ZNF384: variants seen among roughly 807,000 people sequenced by gnomAD.
The protein encoded by ZNF384 is zinc finger protein 384, also known as CAG repeat protein 1.
In ZNF384, 20 loss-of-function variants were observed where a neutral mutation model predicts 65.0. The ratio of observed to expected loss-of-function variants is 0.31; its 90% CI spans 0.22 to 0.45. The LOEUF (loss-of-function observed/expected upper bound fraction) is 0.45. Ranked by LOEUF, ZNF384 falls within the 20% of genes least tolerant of loss-of-function variation. The pLI, the probability that ZNF384 is intolerant of heterozygous loss-of-function variation, is 1.00. For synonymous variants in ZNF384, 310 were observed against 303.9 expected (o/e 1.02, Z -0.21); for missense variants, 549 against 769.4 (o/e 0.71, Z 3.39).
intron 2 of ZNF384, among the ~76,000 whole-genome samples, chr12:6,680,153 C>T (rs1955372727): frequency 6.6e-6 from 1 of 152,152 alleles, no homozygotes; most frequent in Non-Finnish European, 1.5e-5. Flanking sequence ...AAAGTAGAGA[C>T]ACGGTTTTTC....
chr12:6,672,571 C>A lies in ZNF384; in HGVS notation c.1005-39G>T. On this transcript the variant is annotated intron_variant, in intron 8 of 11. Coordinates refer to ENST00000683879, the MANE Select transcript of ZNF384 (RefSeq NM_001385745.1). This position sits in a 1 kb window ranked among gnomAD's most constrained non-coding sequence, Gnocchi z 4.4. ...GAGGAGGGAAGGGGGGAGGAGGAAG[C>A]AGTTCGACACCAGGGGCTCAGCTCT... 1 of 1,592,720 alleles carries A rather than the reference C, an allele frequency of 6.3e-7. No homozygotes were observed. Among genetic ancestry groups the A allele is most frequent in the Non-Finnish European group, 8.6e-7 (1 of 1,164,782 alleles).
In ZNF384 at chr12:6,687,128, T is replaced by C. The variant is rs115818252; in HGVS notation, c.-6+1039A>G. Among the ~76,000 whole-genome samples, 538 of 152,296 alleles carry C rather than the reference T, an allele frequency of 3.5e-3. 2 individuals carry two copies. The highest frequency in any genetic ancestry group is 0.013 in the African/African-American group (525 of 41,556). On this transcript the variant is annotated intron_variant, in intron 2 of 11. Transcript: ENST00000683879. ...AGACATTCAAGAAGGGCCATCCCAG[T>C]AGGATGTGACGCTTTCCCGCCAGTA...
chr12:6,672,614 G>C lies in ZNF384; in HGVS notation c.1005-82C>G. On this transcript the variant is annotated intron_variant, in intron 8 of 11. Transcript: ENST00000683879. This position sits in a 1 kb window ranked among gnomAD's most constrained non-coding sequence, Gnocchi z 4.4. ...TCAGCTCTCTGCTGGGTGAAATGAC[G>C]TTGCTTGACGGATGAGAGCACCCCC... The C allele has an allele frequency of 2.1e-6, 3 of 1,404,602 alleles. No individual in the cohort carries two copies. The highest frequency in any genetic ancestry group is 2.9e-6 in the Non-Finnish European group (3 of 1,021,192). 87.0% of individuals were successfully genotyped at this position (1,404,602 alleles called of 1,614,324 possible).
chr12:6,685,946 G>T (rs1413470136), intron 2 of ZNF384, among the ~76,000 whole-genome samples: 1 of 152,090 alleles, frequency 6.6e-6, no homozygotes, highest in Non-Finnish European at 1.5e-5. Flanking sequence ...TAATAGTCGT[G>T]AAACACGGTA....
chr12:6,669,276 G>A, intron 10 of ZNF384, 87 bp from the exon 11 acceptor site: 1 of 1,357,184 alleles, frequency 7.4e-7, no homozygotes, highest in Non-Finnish European at 1.0e-6. Flanking sequence ...AAAGGTAGGT[G>A]TCAGGCCTCC....
At chr12:6,668,748 C>T (rs1034504249) in intron 11 of ZNF384, among the ~76,000 whole-genome samples, 1 of 151,046 alleles carries the variant, frequency 6.6e-6, no homozygotes, top group African/African-American at 2.4e-5. Context: ...AAATGCCTAA[C>T]TGAAATCCAG....
In ZNF384 at chr12:6,667,438, A is replaced by C. The variant is rs532551458; in HGVS notation, c.*276T>G. 1.8e-6 allele frequency: 1 copy of C among 560,946 alleles called. No homozygotes were observed. The highest frequency in any genetic ancestry group is 1.9e-5 in the African/African-American group (1 of 53,320). The allele number at this position is 560,946 out of a possible 1,614,324, so 34.7% of individuals were successfully genotyped here. A position where few individuals can be genotyped will look rare whatever the true frequency, so the allele number is the denominator to read the frequency against. ...GAGGTCATAGCAAATCCTTCCCTTG[A>C]GCACCGACCCCCAGTTTTAGAAGCT... On this transcript the variant is annotated 3_prime_UTR_variant, in exon 12 of 12. Transcript: ENST00000683879.
At chr12:6,688,284 G>C (rs181595382) in intron 1 of ZNF384, 58 bp from the exon 2 acceptor site, 1 of 152,596 alleles carries the variant, frequency 6.6e-6, no homozygotes, top group Non-Finnish European at 1.5e-5. Context: ...CCAGAGAACT[G>C]TGGAGAACCT....
chr12:6,672,200 T>C lies in ZNF384; in HGVS notation c.1187+150A>G. The C allele has an allele frequency of 1.3e-6, 1 of 779,812 alleles. No homozygotes were observed. 48.3% of individuals were successfully genotyped at this position (779,812 alleles called of 1,614,324 possible). A position where few individuals can be genotyped will look rare whatever the true frequency, so the allele number is the denominator to read the frequency against. On this transcript the variant is annotated intron_variant, in intron 9 of 11. Coordinates refer to ENST00000683879, the MANE Select transcript of ZNF384 (RefSeq NM_001385745.1). The surrounding 1 kb of genome is among the most constrained non-coding windows in gnomAD (Gnocchi z 4.4). The stretch of plus-strand genomic sequence containing the variant: ...GTCCACTTGAATCTCCAGTGTTGTT[T>C]GGTCTTCCTTCTCCCAGATGCCAGC...
chr12:6,674,525 T>C (rs1331542886), intron 7 of ZNF384, among the ~76,000 whole-genome samples: 3 of 152,238 alleles, frequency 2.0e-5, no homozygotes, highest in African/African-American at 7.2e-5. Flanking sequence ...TCAGATGGTG[T>C]GGGATCATGA....
rs1416192022 is a variant in ZNF384, at chr12:6,669,096, A to C, written c.1360T>G (p.Ser454Ala). Residue 454 changes from serine to alanine, a missense_variant, in exon 11 of 12, where the codon TCT becomes GCT. Around this residue, in one of 5 missense-constraint regions of ZNF384, gnomAD observed 38 missense variants for 99.7 expected, o/e 0.38. Coordinates refer to ENST00000683879, the MANE Select transcript of ZNF384 (RefSeq NM_001385745.1). The stretch of plus-strand genomic sequence containing the variant: ...TTGGCATGCTTCACTGTGTGCGTAG[A>C]CAGGTGCACCTCTAGTGAGGCTGCA... Reference protein sequence around the residue: ...TDAASLEVHLSTHTVKHAKVY... With the variant: ...TDAASLEVHLATHTVKHAKVY... The C allele has an allele frequency of 6.2e-7, 1 of 1,614,088 alleles. No homozygotes were observed. The highest frequency in any genetic ancestry group is 8.5e-7 in the Non-Finnish European group (1 of 1,179,944).
intron 2 of ZNF384, among the ~76,000 whole-genome samples, chr12:6,682,351 A>G (rs1956318699): frequency 1.3e-5 from 2 of 150,230 alleles, no homozygotes; most frequent in African/African-American, 4.9e-5. Flanking sequence ...AAAACAAAAC[A>G]AAACAAAACA....
Position 6,678,393 on chromosome 12 carries a change from G to A in ZNF384, c.420C>T (p.Phe140=). The A allele has an allele frequency of 6.2e-7, 1 of 1,612,102 alleles. No homozygotes were observed. ...LVTTASSAQT[F]PISAPMIVSA... ...AGACAATCATGGGAGCCGAAATGGGGAAGGTCTGAGCTGATGATGCTGTGG... is the reference window on the plus strand; with the variant it reads ...AGACAATCATGGGAGCCGAAATGGGAAAGGTCTGAGCTGATGATGCTGTGG... Residue 140 remains phenylalanine (F), a synonymous_variant, in exon 6 of 12, where the codon TTC becomes TTT. Coordinates refer to ENST00000683879, the MANE Select transcript of ZNF384 (RefSeq NM_001385745.1). The surrounding 1 kb of genome is among the most constrained non-coding windows in gnomAD (Gnocchi z 4.9).
chr12:6,685,776 CAAAAA>C (rs778337408), intron 2 of ZNF384, among the ~76,000 whole-genome samples: 1 of 43,232 alleles, frequency 2.3e-5, no homozygotes, highest in Admixed American at 2.4e-4. Context: ...GACTCAGTCT[CAAAAA>C]AAAAAAAAAA....
chr12:6,674,012 A>G (rs1332328854), intron 7 of ZNF384, among the ~76,000 whole-genome samples: 2 of 152,126 alleles, frequency 1.3e-5, no homozygotes, highest in African/African-American at 4.8e-5. Flanking sequence ...CAAACCAGGT[A>G]TGTCTGCTCT....
chr12:6,672,293 GGGGGTGGGGAGGGCATGCCAGC>G lies in ZNF384; in HGVS notation c.1187+35_1187+56del. On this transcript the variant is annotated intron_variant, in intron 9 of 11. Transcript: ENST00000683879. This position sits in a 1 kb window ranked among gnomAD's most constrained non-coding sequence, Gnocchi z 4.4. ...GCGGGTTGTTGTGTGTGTCCGGGGC[GGGGGTGGGGAGGGCATGCCAGC>G]GGGGCGGGGTCAGTAGCCCGCCACT... 1 of 1,545,294 alleles carries G rather than the reference GGGGGTGGGGAGGGCATGCCAGC, an allele frequency of 6.5e-7. No individual in the cohort carries two copies. The highest frequency in any genetic ancestry group is 8.8e-7 in the Non-Finnish European group (1 of 1,140,704).
At chr12:6,679,944 TTATTCTTCAAAACTA>T (rs1955289304) in intron 2 of ZNF384, among the ~76,000 whole-genome samples, 1 of 152,206 alleles carries the variant, frequency 6.6e-6, no homozygotes, top group African/African-American at 2.4e-5. Flanking sequence ...CCTCTTTCTC[TTATTCTTCAAAACTA>T]TATTCCTTGA....
Position 6,679,175 on chromosome 12 carries a change from G to A in ZNF384, c.75C>T (p.Asn25=), listed in dbSNP as rs1282540654. ...SIPTVSGQIE[N]TMFINKMKDQ... ...CCTTCATCTTGTTGATGAACATTGT[G>A]TTCTCGATCTAAGAGAAAAGGAAGG... Residue 25 remains asparagine, a synonymous_variant, in exon 4 of 12, where the codon AAC becomes AAT. Coordinates refer to ENST00000683879, the MANE Select transcript of ZNF384 (RefSeq NM_001385745.1). The A allele has an allele frequency of 6.3e-7, 1 of 1,577,168 alleles. No homozygotes were observed. Among genetic ancestry groups the A allele is most frequent in the African/African-American group, 1.4e-5 (1 of 73,862 alleles).
intron 7 of ZNF384, among the ~76,000 whole-genome samples, chr12:6,674,135 T>C (rs2136690450): frequency 6.6e-6 from 1 of 152,252 alleles, no homozygotes; most frequent in African/African-American, 2.4e-5. Context: ...TAGGGGAAGG[T>C]GCCATCCCTC....
Sources: gnomAD v4.1 joint callset for allele counts (sites outside exome capture counted in the v4.1 genomes callset) on GRCh38, gnomAD v4.1.1 for gene constraint, gnomAD v4.1.1 regional missense constraint, Gnocchi (gnomAD v3.1) non-coding constraint, MANE v1.5 for transcripts, NCBI Gene and HGNC (gene_info 2026-07-23, HGNC 2026-07-21) for gene names.